Variants in MACROD2 observed in about 807,000 individuals in gnomAD.
MACROD2 encodes mono-ADP ribosylhydrolase 2, also known as ADP-ribose glycohydrolase MACROD2.
MACROD2 carries 36 observed loss-of-function variants against 70.4 expected under a neutral mutation model. The ratio of observed to expected loss-of-function variants is 0.51; its 90% CI spans 0.39 to 0.68. The LOEUF is 0.68. MACROD2 is among the 30% of genes least tolerant of loss of function. MACROD2 has a pLI of 0.00. For synonymous variants in MACROD2, 172 were observed against 178.8 expected, an observed-to-expected ratio of 0.96 and a Z score of 0.30; for missense variants, 496 against 538.4, an observed-to-expected ratio of 0.92 and a Z score of 0.78.
rs532347697 is a variant in MACROD2, at chr20:15,990,098, C to T, written c.1153+2940C>T. 3.9e-5 allele frequency among the ~76,000 whole-genome samples: 6 copies of T among 152,098 alleles called. No individual in the cohort carries two copies. In the South Asian group the frequency reaches 1.0e-3, roughly 26 times the overall value. The stretch of plus-strand genomic sequence containing the variant: ...ACATGTCCCTGGGAGACCTGAAATA[C>T]AAAAATTTCAACAGGCAGAAAGTGA... On this transcript the variant is annotated intron_variant, in intron 15 of 17. Coordinates refer to ENST00000684519, the MANE Select transcript of MACROD2 (RefSeq NM_001351661.2).
chr20:14,147,735 A>C (rs6079320), intron 3 of MACROD2, among the ~76,000 whole-genome samples: 151,316 of 152,276 alleles, frequency 0.99, 75,190 homozygotes, highest in East Asian at 1. Flanking sequence ...CATGCTCGAG[A>C]CTTCCATTTA....
intron 5 of MACROD2, among the ~76,000 whole-genome samples, chr20:14,957,124 A>C (rs1361106106): frequency 6.6e-6 from 1 of 151,032 alleles, no homozygotes; most frequent in Non-Finnish European, 1.5e-5. Flanking sequence ...TGTGCTGCTG[A>C]AGTGAGCACA....
chr20:15,989,408 G>T (rs2066527989), intron 15 of MACROD2, among the ~76,000 whole-genome samples: 1 of 152,106 alleles, frequency 6.6e-6, no homozygotes, highest in Admixed American at 6.5e-5. Context: ...CTAATAGAAG[G>T]AAGCCAGGTG....
chr20:15,455,319 C>A (rs948653342), intron 7 of MACROD2, among the ~76,000 whole-genome samples: 28 of 152,166 alleles, frequency 1.8e-4, no homozygotes, highest in African/African-American at 6.5e-4. Context: ...TCTGTGTCAT[C>A]TGATTTAATG....
At chr20:14,880,098 G>T (rs781028150) in intron 5 of MACROD2, among the ~76,000 whole-genome samples, 69 of 152,100 alleles carry the variant, frequency 4.5e-4, no homozygotes, top group Non-Finnish European at 7.9e-4. Flanking sequence ...TCAGCAAATT[G>T]TATCATGCCC....
At chr20:15,111,168 TTTTTGTTTG>T (rs972707698) in intron 5 of MACROD2, among the ~76,000 whole-genome samples, 2 of 104,460 alleles carry the variant, frequency 1.9e-5, no homozygotes, top group East Asian at 2.4e-4. Context: ...TGTTTGTTTG[TTTTTGTTTG>T]TTTTTTTTTT....
At chr20:14,286,914 A>G (rs937946742) in intron 3 of MACROD2, among the ~76,000 whole-genome samples, 4 of 152,236 alleles carry the variant, frequency 2.6e-5, no homozygotes, top group African/African-American at 9.6e-5. Context: ...AAAGCAATTA[A>G]TAACTTTCAC....
intron 3 of MACROD2, among the ~76,000 whole-genome samples, chr20:14,350,704 G>T (rs758848199): frequency 2.6e-5 from 4 of 151,956 alleles, no homozygotes; most frequent in Non-Finnish European, 5.9e-5. Flanking sequence ...CTTTTCTGTG[G>T]GTTGTCTCTT....
At chr20:14,361,889 C>T (rs1038879302) in intron 3 of MACROD2, among the ~76,000 whole-genome samples, 4 of 152,202 alleles carry the variant, frequency 2.6e-5, no homozygotes, top group African/African-American at 9.7e-5. Flanking sequence ...CTGTTTTGCC[C>T]ATAGCTCACC....
At chr20:15,441,914 G>GT (rs1270947052) in intron 7 of MACROD2, among the ~76,000 whole-genome samples, 4 of 152,192 alleles carry the variant, frequency 2.6e-5, no homozygotes, top group African/African-American at 9.6e-5. Context: ...CCATTGAGCA[G>GT]TAACTCTGGG....
chr20:16,025,375 G>A (rs2067063427), intron 15 of MACROD2, among the ~76,000 whole-genome samples: 1 of 152,246 alleles, frequency 6.6e-6, no homozygotes, highest in African/African-American at 2.4e-5. Flanking sequence ...ACATCTGTTT[G>A]TTGTCAACAT....
intron 5 of MACROD2, among the ~76,000 whole-genome samples, chr20:15,210,193 C>G (rs1024231146): frequency 2.0e-5 from 3 of 152,266 alleles, no homozygotes; most frequent in Non-Finnish European, 4.4e-5. Flanking sequence ...GCTCTCAGTC[C>G]TTAGATTTGT....
intron 6 of MACROD2, among the ~76,000 whole-genome samples, chr20:15,317,368 A>G (rs910175557): frequency 1.3e-5 from 2 of 152,000 alleles, no homozygotes; most frequent in African/African-American, 4.8e-5. Context: ...GATAAAATTG[A>G]CAAGTCTCTA....
At chr20:14,483,608 G>A (rs752050959) in intron 3 of MACROD2, among the ~76,000 whole-genome samples, 2 of 152,096 alleles carry the variant, frequency 1.3e-5, no homozygotes, top group African/African-American at 4.8e-5. Flanking sequence ...GTTTCTCCAT[G>A]TTGGTCACAC....
intron 5 of MACROD2, among the ~76,000 whole-genome samples, chr20:15,106,634 A>G (rs1331956787): frequency 6.6e-6 from 1 of 152,180 alleles, no homozygotes; most frequent in Non-Finnish European, 1.5e-5. Flanking sequence ...CTAGCGTGGA[A>G]CAGCGTGGTA....
Position 14,450,130 on chromosome 20 carries a change from T to C in MACROD2, c.272-43349T>C, listed in dbSNP as rs2084228527. 3.3e-5 allele frequency among the ~76,000 whole-genome samples: 5 copies of C among 152,164 alleles called. No individual in the cohort carries two copies. The South Asian group carries it at 1.0e-3, about 31-fold the overall frequency. ...CAATATCTAATAGGTGCTAATTATC[T>C]GATGCAAATCAGTGTATCTCAATGT... On this transcript the variant is annotated intron_variant, in intron 3 of 17. Transcript: ENST00000684519.
intron 3 of MACROD2, among the ~76,000 whole-genome samples, chr20:14,386,911 T>G (rs961492240): frequency 6.6e-6 from 1 of 152,174 alleles, no homozygotes; most frequent in Non-Finnish European, 1.5e-5. Flanking sequence ...TGGCCTTGGA[T>G]GACATCACCA....
At chr20:14,511,308 G>C (rs188426899) in intron 4 of MACROD2, among the ~76,000 whole-genome samples, 563 of 152,122 alleles carry the variant, frequency 3.7e-3, no homozygotes, top group Non-Finnish European at 6.1e-3. Context: ...GTAAATGCTT[G>C]AGGGGATGGA....
At chr20:15,994,956 A>G (rs1036233699) in intron 15 of MACROD2, among the ~76,000 whole-genome samples, 1 of 152,202 alleles carries the variant, frequency 6.6e-6, no homozygotes. Flanking sequence ...AGTGTACTTT[A>G]TATTAGGAAA....
Sources: allele counts gnomAD v4.1 joint callset (sites outside exome capture counted in the v4.1 genomes callset), GRCh38; gene constraint gnomAD v4.1.1; transcripts MANE v1.5; gene names NCBI Gene and HGNC (gene_info 2026-07-23, HGNC 2026-07-21).